The following VPS35L variants were observed in gnomAD, a reference collection of about 807,000 sequenced individuals.
VPS35L encodes the protein VPS35 endosomal protein-sorting factor-like.
A neutral mutation model predicts 133.0 loss-of-function variants in VPS35L; 83 were observed. That is an observed-to-expected ratio of 0.62 (90% CI 0.52 to 0.75). The LOEUF is 0.75. Ranked by LOEUF, VPS35L falls within the 30% of genes least tolerant of loss-of-function variation. VPS35L has a pLI of 0.00. For synonymous variants in VPS35L, 423 were observed against 449.9 expected (o/e 0.94, Z 0.76); for missense variants, 1,083 against 1,206.8 (o/e 0.90, Z 1.52).
intron 26 of VPS35L, 124 bp from the exon 27 acceptor site, chr16:19,669,036 C>T: frequency 1.1e-6 from 1 of 947,396 alleles, no homozygotes; most frequent in Non-Finnish European, 1.5e-6. Flanking sequence ...TCTGCTAGGA[C>T]CTGCCCTCGG....
chr16:19,698,560 T>C (rs1975997659), intron 29 of VPS35L, among the ~76,000 whole-genome samples: 1 of 152,170 alleles, frequency 6.6e-6, no homozygotes, highest in African/African-American at 2.4e-5. Flanking sequence ...AATTCTATCA[T>C]GGGCGGTTAG....
At chr16:19,594,644 CAAAAAAAAAAA>C (rs57187565) in intron 8 of VPS35L, among the ~76,000 whole-genome samples, 78 of 31,496 alleles carry the variant, frequency 2.5e-3, no homozygotes, top group Admixed American at 0.017. Context: ...GATTTCGTCT[CAAAAAAAAAAA>C]AAAAAAAAAA....
intron 27 of VPS35L, among the ~76,000 whole-genome samples, chr16:19,681,500 G>C (rs771513282): frequency 6.6e-6 from 1 of 152,200 alleles, no homozygotes; most frequent in East Asian, 1.9e-4. Flanking sequence ...GGGGCTGGCC[G>C]TGCAGAGCTT....
At chr16:19,611,161 G>A (rs983685804) in intron 12 of VPS35L, among the ~76,000 whole-genome samples, 3 of 152,038 alleles carry the variant, frequency 2.0e-5, no homozygotes, top group Admixed American at 6.6e-5. Flanking sequence ...CACCATGCCC[G>A]TCTAAGTTTT....
intron 5 of VPS35L, among the ~76,000 whole-genome samples, chr16:19,576,743 T>TC (rs1296852440): frequency 1.3e-5 from 2 of 152,016 alleles, no homozygotes. Flanking sequence ...AATTTTTTTT[T>TC]TTTTTGAGAT....
intron 8 of VPS35L, among the ~76,000 whole-genome samples, chr16:19,594,722 G>T (rs964621758): frequency 7.2e-6 from 1 of 138,968 alleles, no homozygotes; most frequent in Non-Finnish European, 1.6e-5. Flanking sequence ...CCAAAAAAGA[G>T]AATTTACAAA....
At chr16:19,675,802 C>T (rs542514699) in intron 27 of VPS35L, among the ~76,000 whole-genome samples, 2 of 152,010 alleles carry the variant, frequency 1.3e-5, no homozygotes, top group Admixed American at 6.6e-5. Flanking sequence ...AGCCCCCCTC[C>T]GCCTCCCAAA....
At chr16:19,680,191 C>T (rs1265740811) in intron 27 of VPS35L, among the ~76,000 whole-genome samples, 18 of 152,188 alleles carry the variant, frequency 1.2e-4, no homozygotes, top group Admixed American at 1.2e-3. Context: ...AATGGGGCTT[C>T]GTCGTAGTAT....
At chr16:19,624,594 AAAACAAAC>A (rs1161153185) in intron 14 of VPS35L, among the ~76,000 whole-genome samples, 2 of 151,634 alleles carry the variant, frequency 1.3e-5, no homozygotes, top group Non-Finnish European at 2.9e-5. Flanking sequence ...TCTGTCTCAA[AAAACAAAC>A]AAACAAACAA....
intron 9 of VPS35L, among the ~76,000 whole-genome samples, chr16:19,602,539 C>T (rs572208297): frequency 9.9e-5 from 15 of 152,086 alleles, no homozygotes; most frequent in Non-Finnish European, 1.5e-5. Flanking sequence ...CTCCCTCCTC[C>T]TCTCCCACCC....
intron 18 of VPS35L, 91 bp downstream of exon 18, chr16:19,629,911 G>A (rs1973391052): frequency 8.4e-7 from 1 of 1,193,852 alleles, no homozygotes; most frequent in Non-Finnish European, 1.2e-6. Flanking sequence ...TGAGGCATTT[G>A]ACAACGGTAC....
In VPS35L at chr16:19,661,671, A is replaced by G. The variant is rs140298815; in HGVS notation, c.2222-7489A>G. Among the ~76,000 whole-genome samples, 1,309 of 152,188 alleles carry G rather than the reference A, an allele frequency of 8.6e-3. 10 individuals carry two copies. Among genetic ancestry groups the G allele is most frequent in the Middle Eastern group, 0.031 (9 of 294 alleles). ...TTCATGGAGAAGCTAATTAGAGAGG[A>G]CCCTTCCCGCCATCCTCACGGTGCA... On this transcript the variant is annotated intron_variant, in intron 26 of 30. Coordinates refer to ENST00000417362, the MANE Select transcript of VPS35L (RefSeq NM_020314.7).
chr16:19,580,405 C>T (rs1335852342), intron 6 of VPS35L, among the ~76,000 whole-genome samples: 1 of 152,036 alleles, frequency 6.6e-6, no homozygotes, highest in African/African-American at 2.4e-5. Flanking sequence ...AGCCACCATG[C>T]CCAGCCTACT....
rs745312286 is a variant in VPS35L at position 19,629,761 on chromosome 16, T to C, written c.1501-6T>C. On this transcript the variant is annotated splice_region_variant and splice_polypyrimidine_tract_variant and intron_variant, in intron 17 of 30. Coordinates refer to ENST00000417362, the MANE Select transcript of VPS35L (RefSeq NM_020314.7). ...AATGTTAAGATGTTTTCCTTTCTCT[T>C]TGTAGGACTACATTAATTGTGCCGA... The C allele has an allele frequency of 1.9e-6, 3 of 1,613,146 alleles. No individual in the cohort carries two copies. The highest frequency in any genetic ancestry group is 2.5e-6 in the Non-Finnish European group (3 of 1,179,070).
chr16:19,632,287 C>A (rs1973481469), intron 18 of VPS35L, among the ~76,000 whole-genome samples: 1 of 152,162 alleles, frequency 6.6e-6, no homozygotes, highest in Non-Finnish European at 1.5e-5. Context: ...TTAATATCAT[C>A]AGTACCAGTC....
rs545729945 is a variant in VPS35L at position 19,658,543 on chromosome 16, A to C, written c.2221+6453A>C. ...GACCGTGTCTCAAAACAAAACAAGAAAAAGAGACGACAGGCCATTCAGGGA... is the reference window on the plus strand; with the variant it reads ...GACCGTGTCTCAAAACAAAACAAGACAAAGAGACGACAGGCCATTCAGGGA... On this transcript the variant is annotated intron_variant, in intron 26 of 30. Coordinates refer to ENST00000417362, the MANE Select transcript of VPS35L (RefSeq NM_020314.7). Among the ~76,000 whole-genome samples the C allele has an allele frequency of 5.3e-5, 8 of 152,268 alleles. No homozygotes were observed. The East Asian group carries it at 1.5e-3, about 29-fold the overall frequency.
intron 5 of VPS35L, among the ~76,000 whole-genome samples, chr16:19,577,302 GGA>G (rs1419755756): frequency 1.3e-5 from 2 of 152,238 alleles, no homozygotes; most frequent in East Asian, 3.9e-4. Flanking sequence ...AGAGAAGGGA[GGA>G]GAGAGAGGGA....
intron 8 of VPS35L, among the ~76,000 whole-genome samples, chr16:19,595,806 C>T (rs1167794909): frequency 6.6e-6 from 1 of 152,196 alleles, no homozygotes; most frequent in Non-Finnish European, 1.5e-5. Context: ...AGTGGTAAAC[C>T]TTCAACAGAT....
intron 23 of VPS35L, among the ~76,000 whole-genome samples, chr16:19,645,321 G>T: frequency 7.0e-6 from 1 of 142,656 alleles, no homozygotes; most frequent in Non-Finnish European, 1.5e-5. Context: ...ATGGAGTCTC[G>T]CTCTGTCGCC....
Sources: allele counts gnomAD v4.1 joint callset (sites outside exome capture counted in the v4.1 genomes callset), GRCh38; gene constraint gnomAD v4.1.1; transcripts MANE v1.5; gene names NCBI Gene and HGNC (gene_info 2026-07-23, HGNC 2026-07-21).